Variants in MRPL1 observed in about 807,000 individuals in gnomAD.
The protein encoded by MRPL1 is large ribosomal subunit protein uL1m.
MRPL1 carries 28 observed loss-of-function variants against 38.0 expected under a neutral mutation model. The observed-to-expected ratio is 0.74, with a 90% CI of 0.55 to 1.01. The LOEUF (loss-of-function observed/expected upper bound fraction) is 1.01. MRPL1 is among the 50% of genes least tolerant of loss of function. The pLI is 0.00. For missense variants in MRPL1, 358 were observed against 389.8 expected, an observed-to-expected ratio of 0.92 and a Z score of 0.69; for synonymous variants, 123 against 126.7, an observed-to-expected ratio of 0.97 and a Z score of 0.20.
chr4:77,920,320 T>A (rs76780040), intron 7 of MRPL1, among the ~76,000 whole-genome samples: 1,548 of 152,342 alleles, frequency 0.01, 31 homozygotes, highest in African/African-American at 0.036. Flanking sequence ...TTAAAATGAC[T>A]TACTCTAATA....
rs116541351 is a variant in MRPL1, at chr4:77,863,139, C to G, written c.31+260C>G. ...GCCCTCCAGCCACCTATGGGCATGG[C>G]AAGGACTGGGTCGTCTCTGATACTG... On this transcript the variant is annotated intron_variant, in intron 1 of 8. Transcript: ENST00000315567. 921 of 539,904 alleles carry G rather than the reference C, an allele frequency of 1.7e-3. 11 individuals carry two copies. The highest frequency in any genetic ancestry group is 0.016 in the African/African-American group (838 of 52,042). The allele number at this position is 539,904 out of a possible 1,614,324, so 33.4% of individuals were successfully genotyped here.
chr4:77,895,375 AG>A (rs762389736), intron 6 of MRPL1, among the ~76,000 whole-genome samples: 2 of 151,908 alleles, frequency 1.3e-5, no homozygotes, highest in Non-Finnish European at 2.9e-5. Flanking sequence ...GGGGGAGAAA[AG>A]GAAGAGTCAA....
At chr4:77,904,831 A>C (rs1736117401) in intron 6 of MRPL1, among the ~76,000 whole-genome samples, 1 of 152,256 alleles carries the variant, frequency 6.6e-6, no homozygotes, top group South Asian at 2.1e-4. Context: ...CACATCAAAC[A>C]CAGAAATTAA....
At chr4:77,926,612 C>CT (rs113752899) in intron 7 of MRPL1, among the ~76,000 whole-genome samples, 76,174 of 134,892 alleles carry the variant, frequency 0.56, 20,821 homozygotes, top group African/African-American at 0.61. Flanking sequence ...TTCTTTTTTA[C>CT]TTTTTTTTTT....
chr4:77,943,199 A>G (rs1737176097), intron 7 of MRPL1, among the ~76,000 whole-genome samples: 1 of 151,956 alleles, frequency 6.6e-6, no homozygotes, highest in Non-Finnish European at 1.5e-5. Context: ...GAGGCTGAAG[A>G]TGGGGCCCTA....
intron 7 of MRPL1, among the ~76,000 whole-genome samples, chr4:77,911,364 A>G (rs922445565): frequency 1.3e-5 from 2 of 152,160 alleles, no homozygotes; most frequent in South Asian, 2.1e-4. Context: ...AACAAATACC[A>G]TAGTGATTAA....
chr4:77,896,158 T>G (rs1735906701), intron 6 of MRPL1, among the ~76,000 whole-genome samples: 1 of 152,010 alleles, frequency 6.6e-6, no homozygotes, highest in Non-Finnish European at 1.5e-5. Flanking sequence ...CCTTTTTTTT[T>G]TTTTTTAGCC....
chr4:77,944,506 C>T (rs1291679750), intron 7 of MRPL1, among the ~76,000 whole-genome samples: 3 of 152,098 alleles, frequency 2.0e-5, no homozygotes, highest in East Asian at 1.9e-4. Flanking sequence ...TGTAGCACTT[C>T]GTTCATATAA....
intron 7 of MRPL1, among the ~76,000 whole-genome samples, chr4:77,911,994 A>G (rs1736300291): frequency 6.6e-6 from 1 of 152,212 alleles, no homozygotes; most frequent in Non-Finnish European, 1.5e-5. Context: ...CAAAAGCCAT[A>G]TGAGCATTGC....
chr4:77,921,101 T>C, intron 7 of MRPL1, among the ~76,000 whole-genome samples: 1 of 152,164 alleles, frequency 6.6e-6, no homozygotes, highest in Non-Finnish European at 1.5e-5. Context: ...TCACACCAAA[T>C]CTAGTAAAAG....
At chr4:77,885,439 T>C in intron 4 of MRPL1, 100 bp downstream of exon 4, 2 of 810,976 alleles carry the variant, frequency 2.5e-6, no homozygotes, top group Non-Finnish European at 4.1e-6. Context: ...CAACCTCGGC[T>C]CACTGCAACC....
rs892571654 is a variant in MRPL1 at position 77,886,954 on chromosome 4, G to A, written c.487-266G>A. 7.2e-5 allele frequency among the ~76,000 whole-genome samples: 11 copies of A among 151,770 alleles called. No homozygotes were observed. The South Asian group carries it at 2.1e-3, about 29-fold the overall frequency. ...CTTACAGGTGTGTGCCACCACGTCC[G>A]GCCAATTTTTATATTTTTAGTAGAG... On this transcript the variant is annotated intron_variant, in intron 4 of 8. Transcript: ENST00000315567.
chr4:77,882,504 C>T (rs1481442910), intron 2 of MRPL1, among the ~76,000 whole-genome samples: 2 of 152,162 alleles, frequency 1.3e-5, no homozygotes, highest in Non-Finnish European at 2.9e-5. Flanking sequence ...CCTCTTCTAG[C>T]ACTAGACAAC....
chr4:77,866,435 A>G (rs1735144391), intron 1 of MRPL1, among the ~76,000 whole-genome samples: 1 of 152,168 alleles, frequency 6.6e-6, no homozygotes, highest in Admixed American at 6.5e-5. Flanking sequence ...TACCTTATAT[A>G]TTGTAGTTAT....
In MRPL1 at chr4:77,883,822, C is replaced by T. The variant is rs112265840; in HGVS notation, c.402+322C>T. ...TGAACTCTGGGGCTCAAGCACTCTGCGCTCCTTGGCCTCCCAAAGTGCTGG... is the reference window on the plus strand; with the variant it reads ...TGAACTCTGGGGCTCAAGCACTCTGTGCTCCTTGGCCTCCCAAAGTGCTGG... On this transcript the variant is annotated intron_variant, in intron 3 of 8. Transcript: ENST00000315567. 1.2e-3 allele frequency among the ~76,000 whole-genome samples: 186 copies of T among 152,258 alleles called. 1 individual carries two copies. Among genetic ancestry groups the T allele is most frequent in the African/African-American group, 4.4e-3 (184 of 41,548 alleles).
intron 1 of MRPL1, among the ~76,000 whole-genome samples, chr4:77,866,658 G>C (rs760298753): frequency 3.3e-5 from 5 of 151,630 alleles, no homozygotes; most frequent in Non-Finnish European, 5.9e-5. Flanking sequence ...GAACACTCTT[G>C]CCTTAGAATC....
At position 77,917,225 on chromosome 4, in the gene MRPL1, A is replaced by G. The variant is rs75652898; in HGVS notation, c.777+7853A>G. Among the ~76,000 whole-genome samples, 505 of 152,110 alleles carry G rather than the reference A, an allele frequency of 3.3e-3. 5 individuals carry two copies. Among genetic ancestry groups the G allele is most frequent in the African/African-American group, 8.1e-3 (336 of 41,504 alleles). On this transcript the variant is annotated intron_variant, in intron 7 of 8. Coordinates refer to ENST00000315567, the MANE Select transcript of MRPL1 (RefSeq NM_020236.4). ...CTCTTTTTTGTGTATGCAGTCTCCT[A>G]TTGACTCCTTTTACCATAGACCGTT...
chr4:77,923,176 A>G (rs887317459), intron 7 of MRPL1, among the ~76,000 whole-genome samples: 2 of 151,908 alleles, frequency 1.3e-5, no homozygotes, highest in African/African-American at 4.8e-5. Context: ...GCTCACTGCA[A>G]CCTCTGCCTC....
chr4:77,897,943 G>A (rs554311449), intron 6 of MRPL1, among the ~76,000 whole-genome samples: 2 of 152,314 alleles, frequency 1.3e-5, no homozygotes, highest in Admixed American at 6.5e-5. Context: ...AATTGTTGTA[G>A]ATGAAATATG....
Sources: gnomAD v4.1 joint callset for allele counts (sites outside exome capture counted in the v4.1 genomes callset) on GRCh38, gnomAD v4.1.1 for gene constraint, MANE v1.5 for transcripts, NCBI Gene and HGNC (gene_info 2026-07-23, HGNC 2026-07-21) for gene names.